ST6GALNAC3: variants seen among roughly 807,000 people sequenced by gnomAD.
ST6GALNAC3 encodes the protein alpha-N-acetylgalactosaminide alpha-2,6-sialyltransferase 3.
In ST6GALNAC3, 25 loss-of-function variants were observed where a neutral mutation model predicts 32.7. The ratio of observed to expected loss-of-function variants is 0.76; its 90% CI spans 0.56 to 1.07. The LOEUF (loss-of-function observed/expected upper bound fraction) is 1.07, where lower values mean the gene tolerates loss of function less well. ST6GALNAC3 is among the 50% of genes least tolerant of loss of function. ST6GALNAC3 has a pLI of 0.00. For synonymous variants in ST6GALNAC3, 129 were observed against 133.1 expected (o/e 0.97, Z 0.21); for missense variants, 355 against 382.4 (o/e 0.93, Z 0.60).
chr1:76,260,319 G>A (rs148872694), intron 1 of ST6GALNAC3, among the ~76,000 whole-genome samples: 17 of 152,304 alleles, frequency 1.1e-4, no homozygotes, highest in East Asian at 5.8e-4. Flanking sequence ...AGCCTTAAGC[G>A]TATTCTTTGT....
intron 3 of ST6GALNAC3, among the ~76,000 whole-genome samples, chr1:76,485,709 G>T (rs1401032399): frequency 6.6e-6 from 1 of 151,928 alleles, no homozygotes; most frequent in Non-Finnish European, 1.5e-5. Context: ...AGGGTTTTTT[G>T]TGTCTCTATC....
intron 2 of ST6GALNAC3, among the ~76,000 whole-genome samples, chr1:76,345,369 G>T (rs959625823): frequency 3.3e-5 from 5 of 152,104 alleles, no homozygotes; most frequent in Non-Finnish European, 5.9e-5. Context: ...CACAGGGAGA[G>T]CACAGAGTAG....
chr1:76,469,835 C>T (rs1658898660), intron 3 of ST6GALNAC3, among the ~76,000 whole-genome samples: 1 of 152,062 alleles, frequency 6.6e-6, no homozygotes, highest in South Asian at 2.1e-4. Flanking sequence ...ATTAATGGAG[C>T]CATTGCTTCA....
chr1:76,262,415 C>T (rs1463925453), intron 1 of ST6GALNAC3, among the ~76,000 whole-genome samples: 3 of 152,136 alleles, frequency 2.0e-5, no homozygotes, highest in African/African-American at 7.2e-5. Flanking sequence ...GAAACAGGAA[C>T]ATTTGCTGTA....
chr1:76,256,234 A>G (rs1657912489), intron 1 of ST6GALNAC3, among the ~76,000 whole-genome samples: 1 of 152,194 alleles, frequency 6.6e-6, no homozygotes, highest in African/African-American at 2.4e-5. Context: ...AAGAAAAGTA[A>G]TGGTCTTCCT....
intron 1 of ST6GALNAC3, among the ~76,000 whole-genome samples, chr1:76,225,623 A>G (rs1656023349): frequency 6.6e-6 from 1 of 152,156 alleles, no homozygotes. Flanking sequence ...CACTCTATTT[A>G]GAGAGCCTAG....
At chr1:76,195,945 G>A (rs55861931) in intron 1 of ST6GALNAC3, among the ~76,000 whole-genome samples, 1 of 152,166 alleles carries the variant, frequency 6.6e-6, no homozygotes, top group Non-Finnish European at 1.5e-5. Context: ...TTTTTGCAAG[G>A]AGTCTTAGAG....
At position 76,123,692 on chromosome 1, in the gene ST6GALNAC3, A is replaced by G. The variant is rs865777110; in HGVS notation, c.18+48808A>G. On this transcript the variant is annotated intron_variant, in intron 1 of 4. Coordinates refer to ENST00000328299, the MANE Select transcript of ST6GALNAC3 (RefSeq NM_152996.4). ...CGAATACTGAATAATAGTGTAACAA[A>G]TAATAGTAAACACAAGTAGTTCTTA... Among the ~76,000 whole-genome samples, 8 of 152,140 alleles carry G rather than the reference A, an allele frequency of 5.3e-5. No individual in the cohort carries two copies. The South Asian group carries it at 1.7e-3, about 32-fold the overall frequency.
chr1:76,632,139 A>T lies in ST6GALNAC3; in HGVS notation c.*3333A>T, dbSNP rs955359669. ...ATAATCCTATATTCTTCACTGGTGC[A>T]TGTGAATCACAGAAAGCCCTATTTT... On this transcript the variant is annotated 3_prime_UTR_variant, in exon 5 of 5. Coordinates refer to ENST00000328299, the MANE Select transcript of ST6GALNAC3 (RefSeq NM_152996.4). The T allele has an allele frequency of 6.6e-6, 1 of 152,116 alleles. No individual in the cohort carries two copies. Among genetic ancestry groups the T allele is most frequent in the Non-Finnish European group, 1.5e-5 (1 of 67,992 alleles). The allele number at this position is 152,116 out of a possible 1,614,324, so 9.4% of individuals were successfully genotyped here. A position where few individuals can be genotyped will look rare whatever the true frequency, so the allele number is the denominator to read the frequency against.
At chr1:76,545,423 T>A (rs1225091076) in intron 3 of ST6GALNAC3, among the ~76,000 whole-genome samples, 1 of 152,184 alleles carries the variant, frequency 6.6e-6, no homozygotes, top group Non-Finnish European at 1.5e-5. Flanking sequence ...TCTTTCCTAC[T>A]GAACCTAATA....
intron 2 of ST6GALNAC3, among the ~76,000 whole-genome samples, chr1:76,389,225 G>A (rs1000925136): frequency 6.6e-6 from 1 of 152,060 alleles, no homozygotes; most frequent in East Asian, 1.9e-4. Context: ...GGGAGGATGA[G>A]CAGAAGACAA....
At position 76,541,261 on chromosome 1, in the gene ST6GALNAC3, A is replaced by G. The variant is rs544926974; in HGVS notation, c.624-86191A>G. On this transcript the variant is annotated intron_variant, in intron 3 of 4. Coordinates refer to ENST00000328299, the MANE Select transcript of ST6GALNAC3 (RefSeq NM_152996.4). ...CTTGGTGATGAAAAGTAAGGAAACA[A>G]TGGGGTCCCTCCGGGGGAGTATGGA... Among the ~76,000 whole-genome samples the G allele has an allele frequency of 4.6e-5, 7 of 152,246 alleles. No homozygotes were observed. The South Asian group carries it at 1.2e-3, about 27-fold the overall frequency.
rs545593274 is a variant in ST6GALNAC3 at position 76,539,051 on chromosome 1, A to G, written c.624-88401A>G. Among the ~76,000 whole-genome samples, 266 of 152,318 alleles carry G rather than the reference A, an allele frequency of 1.7e-3. 1 individual carries two copies. The highest frequency in any genetic ancestry group is 6.2e-3 in the African/African-American group (256 of 41,584). On this transcript the variant is annotated intron_variant, in intron 3 of 4. Transcript: ENST00000328299. ...CATGTGGAATCAAAGAAGACCCTAC[A>G]TAGCCAAGACAATTTCAAGCAAAAA...
At chr1:76,212,889 G>T (rs1390876560) in intron 1 of ST6GALNAC3, among the ~76,000 whole-genome samples, 2 of 152,106 alleles carry the variant, frequency 1.3e-5, no homozygotes, top group Admixed American at 1.3e-4. Flanking sequence ...GGTGCCACTG[G>T]CAAGTCTAAA....
At chr1:76,123,452 A>G (rs959113178) in intron 1 of ST6GALNAC3, among the ~76,000 whole-genome samples, 8 of 151,308 alleles carry the variant, frequency 5.3e-5, no homozygotes, top group African/African-American at 1.9e-4. Flanking sequence ...GTGCACAATG[A>G]GATTGTGTTA....
intron 2 of ST6GALNAC3, among the ~76,000 whole-genome samples, chr1:76,367,909 T>C (rs12032409): frequency 0.2 from 29,743 of 151,956 alleles, 3,492 homozygotes; most frequent in East Asian, 0.6. Flanking sequence ...AAGCATCTCT[T>C]CTTTTCATTG....
At chr1:76,320,967 C>CAT (rs1037826842) in intron 2 of ST6GALNAC3, among the ~76,000 whole-genome samples, 8 of 151,166 alleles carry the variant, frequency 5.3e-5, no homozygotes, top group African/African-American at 1.5e-4. Context: ...TATATATACA[C>CAT]ACACACACAC....
chr1:76,436,649 C>T (rs896105240), intron 3 of ST6GALNAC3, among the ~76,000 whole-genome samples: 3 of 151,948 alleles, frequency 2.0e-5, no homozygotes, highest in African/African-American at 2.4e-5. Context: ...TACCAGGTAC[C>T]GTGCCAATTA....
chr1:76,616,913 GA>G (rs1648331611), intron 3 of ST6GALNAC3, among the ~76,000 whole-genome samples: 2 of 152,094 alleles, frequency 1.3e-5, no homozygotes, highest in South Asian at 4.2e-4. Context: ...CTTTCTTAAC[GA>G]GAAGGTCAGA....
Sources: allele counts gnomAD v4.1 joint callset (sites outside exome capture counted in the v4.1 genomes callset), GRCh38; gene constraint gnomAD v4.1.1; transcripts MANE v1.5; gene names NCBI Gene and HGNC (gene_info 2026-07-23, HGNC 2026-07-21).